Variants in NFASC observed in about 807,000 individuals in gnomAD.
The protein encoded by NFASC is neurofascin.
In NFASC, 43 loss-of-function variants were observed where a neutral mutation model predicts 147.5. The observed-to-expected ratio is 0.29, with a 90% CI of 0.23 to 0.38. NFASC has a LOEUF of 0.38. Ranked by LOEUF, NFASC falls within the 10% of genes least tolerant of loss-of-function variation. The pLI, the probability that NFASC is intolerant of heterozygous loss-of-function variation, is 1.00. For synonymous variants in NFASC, 622 were observed against 665.5 expected (o/e 0.93, Z 1.01); for missense variants, 1,320 against 1,689.0 (o/e 0.78, Z 3.83).
At chr1:204,876,595 T>A (rs1276619991) in intron 1 of NFASC, among the ~76,000 whole-genome samples, 4 of 152,144 alleles carry the variant, frequency 2.6e-5, no homozygotes, top group African/African-American at 9.7e-5. Context: ...CATTAAACAC[T>A]ACCTCCTCAT....
chr1:204,884,454 T>C (rs983030794), intron 1 of NFASC, among the ~76,000 whole-genome samples: 1 of 152,042 alleles, frequency 6.6e-6, no homozygotes, highest in African/African-American at 2.4e-5. Context: ...GGCGAGGGAA[T>C]GGAGCTGAGG....
chr1:204,888,860 G>A (rs775506087), intron 1 of NFASC, among the ~76,000 whole-genome samples: 1 of 152,198 alleles, frequency 6.6e-6, no homozygotes, highest in Non-Finnish European at 1.5e-5. Flanking sequence ...CCACAATCCA[G>A]CAGTCTGGGG....
At chr1:204,920,807 C>T (rs1338105165) in intron 2 of NFASC, 67 bp downstream of exon 2, 1 of 695,546 alleles carries the variant, frequency 1.4e-6, no homozygotes, top group Non-Finnish European at 2.2e-6. Flanking sequence ...ATTCTCGCCT[C>T]CTGCCCCTTC....
rs779925089 is a variant in NFASC, at chr1:204,944,284, T to C, written c.-32T>C. 6.2e-7 allele frequency: 1 copy of C among 1,609,450 alleles called. No individual in the cohort carries two copies. The highest frequency in any genetic ancestry group is 1.7e-5 in the Admixed American group (1 of 59,554). ...CTCGAGGTGACAAGACCCCGAGTGC[T>C]GGGGAGCAGGGAGCAGGGCCAGGTG... is the stretch of plus-strand genomic sequence containing the variant. On this transcript the variant is annotated 5_prime_UTR_variant, in exon 3 of 30. Coordinates refer to ENST00000339876, the MANE Select transcript of NFASC (RefSeq NM_001005388.3).
intron 2 of NFASC, among the ~76,000 whole-genome samples, chr1:204,922,440 G>T (rs573064436): frequency 9.9e-5 from 15 of 152,230 alleles, no homozygotes; most frequent in Non-Finnish European, 1.9e-4. Flanking sequence ...CAGCAAAATC[G>T]AATATCGGTT....
At chr1:204,998,584 TG>T (rs2095901001) in intron 25 of NFASC, 1 of 152,268 alleles carries the variant, frequency 6.6e-6, no homozygotes, top group Admixed American at 6.5e-5. Context: ...CTGAAAATGC[TG>T]GTTTGCTTCA....
chr1:204,955,173 C>A (rs941300168), intron 7 of NFASC, among the ~76,000 whole-genome samples: 1 of 152,118 alleles, frequency 6.6e-6, no homozygotes, highest in South Asian at 2.1e-4. Context: ...TGATCTTGAG[C>A]AAATTGCTTA....
At chr1:204,942,571 A>C (rs1441145278) in intron 2 of NFASC, among the ~76,000 whole-genome samples, 3 of 152,196 alleles carry the variant, frequency 2.0e-5, no homozygotes, top group Non-Finnish European at 2.9e-5. Flanking sequence ...AGAGTAAATC[A>C]GAGGGGCATA....
intron 1 of NFASC, among the ~76,000 whole-genome samples, chr1:204,872,078 C>T (rs527714205): frequency 2.0e-5 from 3 of 152,248 alleles, no homozygotes; most frequent in African/African-American, 4.8e-5. Context: ...CAGGAAGGTT[C>T]GAGGCTGCAT....
chr1:205,009,693 G>A lies in NFASC; in HGVS notation c.3421+5G>A. 9 of 1,613,532 alleles carry A rather than the reference G, an allele frequency of 5.6e-6. No homozygotes were observed. Among genetic ancestry groups the A allele is most frequent in the Non-Finnish European group, 4.2e-6 (5 of 1,179,802 alleles). On this transcript the variant is annotated splice_donor_5th_base_variant and intron_variant, in intron 28 of 29. Transcript: ENST00000339876. The stretch of plus-strand genomic sequence containing the variant: ...GTCGCGGCGGCAAGTACCCAGGTGA[G>A]ATGTGCAAGAGGCGTGGGCTTGCAG...
chr1:204,955,008 G>T, intron 7 of NFASC, 57 bp downstream of exon 7: 2 of 1,584,064 alleles, frequency 1.3e-6, no homozygotes, highest in Non-Finnish European at 1.7e-6. Flanking sequence ...GGTGGGGTGG[G>T]TGTGTTAAGT....
intron 23 of NFASC, chr1:204,989,769 G>A (rs756394439): frequency 1.3e-5 from 2 of 152,294 alleles, no homozygotes; most frequent in Admixed American, 6.5e-5. Flanking sequence ...ATATCTAATT[G>A]CATGTCTAAA....
intron 2 of NFASC, among the ~76,000 whole-genome samples, chr1:204,943,973 G>T (rs2802833): frequency 0.33 from 50,668 of 152,062 alleles, 9,916 homozygotes; most frequent in Non-Finnish European, 0.45. Flanking sequence ...GGTGAAGGGG[G>T]TGGGCTGTAC....
intron 8 of NFASC, among the ~76,000 whole-genome samples, chr1:204,962,506 G>A (rs2094727388): frequency 1.3e-5 from 2 of 152,304 alleles, no homozygotes; most frequent in South Asian, 2.1e-4. Flanking sequence ...TCTTAAAATA[G>A]GTGAGTTCCA....
chr1:204,843,656 C>G (rs1185849913), intron 1 of NFASC, among the ~76,000 whole-genome samples: 1 of 123,658 alleles, frequency 8.1e-6, no homozygotes, highest in Non-Finnish European at 1.7e-5. Context: ...CCCTCCCTCC[C>G]TTCCTTCCTC....
At chr1:204,922,946 C>G (rs2090793330) in intron 2 of NFASC, among the ~76,000 whole-genome samples, 1 of 152,202 alleles carries the variant, frequency 6.6e-6, no homozygotes, top group East Asian at 1.9e-4. Context: ...CCCTGCGCTC[C>G]ATCCTCCCAC....
intron 1 of NFASC, among the ~76,000 whole-genome samples, chr1:204,893,972 T>C (rs541773806): frequency 1.3e-5 from 2 of 152,186 alleles, no homozygotes; most frequent in Admixed American, 6.5e-5. Context: ...TAACAAGTAG[T>C]CTGGATGTAG....
At chr1:204,861,531 C>T (rs1309802145) in intron 1 of NFASC, among the ~76,000 whole-genome samples, 1 of 152,174 alleles carries the variant, frequency 6.6e-6, no homozygotes, top group African/African-American at 2.4e-5. Context: ...GCTCTGTTGC[C>T]CAAGCTGGAG....
intron 2 of NFASC, among the ~76,000 whole-genome samples, chr1:204,921,578 G>C (rs2090496277): frequency 6.6e-6 from 1 of 152,172 alleles, no homozygotes; most frequent in African/African-American, 2.4e-5. Flanking sequence ...TTGAAAAGTG[G>C]AAGCTGAGAG....
Sources: allele counts gnomAD v4.1 joint callset (sites outside exome capture counted in the v4.1 genomes callset), GRCh38; gene constraint gnomAD v4.1.1; transcripts MANE v1.5; gene names NCBI Gene and HGNC (gene_info 2026-07-23, HGNC 2026-07-21).